Variants in ASIC2 observed in about 807,000 individuals in gnomAD.
The protein encoded by ASIC2 is acid sensing ion channel subunit 2, also known as acid-sensing ion channel 2.
A neutral mutation model predicts 57.3 loss-of-function variants in ASIC2; 25 were observed. That is an observed-to-expected ratio of 0.44 (90% CI 0.32 to 0.61). The LOEUF is 0.61. ASIC2 is among the 20% of genes least tolerant of loss of function. The pLI is 0.06. For missense variants in ASIC2, 641 were observed against 738.1 expected, an observed-to-expected ratio of 0.87 and a Z score of 1.52; for synonymous variants, 319 against 307.5, an observed-to-expected ratio of 1.04 and a Z score of -0.39.
chr17:33,700,001 C>T (rs1468786896), intron 1 of ASIC2, among the ~76,000 whole-genome samples: 1 of 151,704 alleles, frequency 6.6e-6, no homozygotes, highest in African/African-American at 2.4e-5. Flanking sequence ...AAAAAAAAAC[C>T]CTGAAAACCA....
intron 1 of ASIC2, among the ~76,000 whole-genome samples, chr17:33,341,857 GA>G (rs1455625332): frequency 6.6e-6 from 1 of 152,168 alleles, no homozygotes; most frequent in Non-Finnish European, 1.5e-5. Flanking sequence ...GGGTTAAGTT[GA>G]AGGTTTGCCC....
chr17:33,181,636 T>C (rs1905986982), intron 1 of ASIC2, among the ~76,000 whole-genome samples: 1 of 152,208 alleles, frequency 6.6e-6, no homozygotes, highest in Admixed American at 6.5e-5. Context: ...CTTTCCTTTC[T>C]CTTAGGGACA....
intron 1 of ASIC2, among the ~76,000 whole-genome samples, chr17:34,122,757 G>C (rs1911663779): frequency 6.6e-6 from 1 of 152,196 alleles, no homozygotes; most frequent in South Asian, 2.1e-4. Context: ...CACCTTGTTG[G>C]AGGCAAAGAC....
intron 1 of ASIC2, among the ~76,000 whole-genome samples, chr17:33,833,322 T>G (rs1873472): frequency 0.28 from 42,027 of 151,980 alleles, 8,420 homozygotes; most frequent in African/African-American, 0.57. Flanking sequence ...TATTCTAAAA[T>G]AATTGTTGAA....
At chr17:33,536,999 G>A (rs149100955) in intron 1 of ASIC2, among the ~76,000 whole-genome samples, 79 of 152,264 alleles carry the variant, frequency 5.2e-4, no homozygotes, top group Middle Eastern at 3.4e-3. Flanking sequence ...GCAACAGAGC[G>A]AGACCTTGTC....
chr17:33,954,706 G>A (rs1338182202), intron 1 of ASIC2, among the ~76,000 whole-genome samples: 1 of 152,168 alleles, frequency 6.6e-6, no homozygotes, highest in Non-Finnish European at 1.5e-5. Flanking sequence ...ACGAAGCTGT[G>A]AGTGTTTTGT....
At chr17:33,229,693 G>A (rs551358681) in intron 1 of ASIC2, among the ~76,000 whole-genome samples, 2 of 152,312 alleles carry the variant, frequency 1.3e-5, no homozygotes, top group East Asian at 1.9e-4. Context: ...AGCCTGGGAC[G>A]CATGGGAGCC....
At chr17:34,138,057 T>G (rs768848859) in intron 1 of ASIC2, among the ~76,000 whole-genome samples, 294 of 152,246 alleles carry the variant, frequency 1.9e-3, no homozygotes, top group Non-Finnish European at 2.5e-3. Flanking sequence ...AAATGCAAAC[T>G]GGGAGCAGAA....
At chr17:33,327,571 T>C (rs1447828786) in intron 1 of ASIC2, among the ~76,000 whole-genome samples, 2 of 152,182 alleles carry the variant, frequency 1.3e-5, no homozygotes, top group Non-Finnish European at 2.9e-5. Context: ...ATGTGACCAA[T>C]TCCCTACCCT....
chr17:33,088,979 A>G lies in ASIC2; in HGVS notation c.871T>C (p.Phe291Leu). 6.2e-7 allele frequency: 1 copy of G among 1,614,114 alleles called. No individual in the cohort carries two copies. The highest frequency in any genetic ancestry group is 8.5e-7 in the Non-Finnish European group (1 of 1,179,968). Residue 291 changes from phenylalanine (F) to leucine (L), a missense_variant, in exon 3 of 10, where the codon TTT (phenylalanine) becomes CTT (leucine). Phe to Leu is a conservative substitution (Grantham distance 22). Transcript: ENST00000225823. ...ATCTGAACTTTCACTCCTGCTTCAA[A>G]TGTCGTTTCCTCTGAAAGAACAAAG... ...PIWGETEETT[F>L]EAGVKVQIHS...
chr17:33,229,314 T>C (rs1201005113), intron 1 of ASIC2, among the ~76,000 whole-genome samples: 1 of 152,198 alleles, frequency 6.6e-6, no homozygotes, highest in African/African-American at 2.4e-5. Flanking sequence ...ATCATTCATT[T>C]GTGTATTTAT....
intron 1 of ASIC2, chr17:34,155,804 C>G: frequency 1.4e-6 from 1 of 691,128 alleles, no homozygotes; most frequent in South Asian, 1.9e-5. Flanking sequence ...TGGCCGGTAG[C>G]CTTCCCTGCA....
intron 1 of ASIC2, among the ~76,000 whole-genome samples, chr17:33,889,702 G>C (rs542380778): frequency 6.6e-6 from 1 of 152,302 alleles, no homozygotes; most frequent in Admixed American, 6.5e-5. Context: ...TCCATTGTTA[G>C]GTTGGGCACC....
chr17:33,965,906 T>C (rs1567771700), intron 1 of ASIC2, among the ~76,000 whole-genome samples: 1 of 152,186 alleles, frequency 6.6e-6, no homozygotes, highest in Non-Finnish European at 1.5e-5. Flanking sequence ...AGGGGAGCAG[T>C]GGCTTGGAGG....
intron 1 of ASIC2, among the ~76,000 whole-genome samples, chr17:33,973,583 G>C (rs1905282885): frequency 6.6e-6 from 1 of 152,130 alleles, no homozygotes; most frequent in Admixed American, 6.5e-5. Flanking sequence ...ACACCAAATG[G>C]AACTCCGCAG....
chr17:34,085,033 C>T lies in ASIC2; in HGVS notation c.555+70945G>A, dbSNP rs1041118175. 1.4e-3 allele frequency among the ~76,000 whole-genome samples: 212 copies of T among 152,234 alleles called. 1 individual carries two copies. Among genetic ancestry groups the T allele is most frequent in the African/African-American group, 5.0e-3 (207 of 41,542 alleles). ...TTCCTAATTGAATACCCTTTATTTC[C>T]TTCTCCTGCCTAATTGCCGTGGCCA... On this transcript the variant is annotated intron_variant, in intron 1 of 9. Coordinates refer to the ASIC2 transcript ENST00000359872.
chr17:33,798,785 A>G lies in ASIC2; in HGVS notation c.555+357193T>C, dbSNP rs1468661259. On this transcript the variant is annotated intron_variant, in intron 1 of 9. Transcript: ENST00000359872. ...CATTTCCACTATCTAATGCAAATCA[A>G]TGATGACTCTTTGGAAGGGATCAGG... Among the ~76,000 whole-genome samples, 8 of 152,298 alleles carry G rather than the reference A, an allele frequency of 5.3e-5. No homozygotes were observed. In the East Asian group the frequency reaches 7.7e-4, roughly 15 times the overall value.
At chr17:33,702,755 A>G (rs1012521109) in intron 1 of ASIC2, among the ~76,000 whole-genome samples, 5 of 152,218 alleles carry the variant, frequency 3.3e-5, no homozygotes, top group Non-Finnish European at 5.9e-5. Flanking sequence ...CAACTACTCA[A>G]TCAATGAGGT....
At chr17:33,772,664 A>G (rs1238083316) in intron 1 of ASIC2, among the ~76,000 whole-genome samples, 1 of 152,170 alleles carries the variant, frequency 6.6e-6, no homozygotes, top group Non-Finnish European at 1.5e-5. Context: ...ATGCCATACC[A>G]CTTTAGACGA....
Sources: allele counts gnomAD v4.1 joint callset (sites outside exome capture counted in the v4.1 genomes callset), GRCh38; gene constraint gnomAD v4.1.1; transcripts MANE v1.5; gene names NCBI Gene and HGNC (gene_info 2026-07-23, HGNC 2026-07-21).